The following BMPR2 variants were observed in gnomAD, a reference collection of about 807,000 sequenced individuals.
The protein encoded by BMPR2 is bone morphogenetic protein receptor type 2.
BMPR2 carries 29 observed loss-of-function variants against 100.8 expected under a neutral mutation model. That is an observed-to-expected ratio of 0.29 (90% CI 0.21 to 0.39). BMPR2 has a LOEUF of 0.39. Ranked by LOEUF, BMPR2 falls within the 10% of genes least tolerant of loss-of-function variation. The pLI, the probability that BMPR2 is intolerant of heterozygous loss-of-function variation, is 1.00. For missense variants in BMPR2, 1,011 were observed against 1,274.5 expected (o/e 0.79, Z 3.15); for synonymous variants, 382 against 442.3 (o/e 0.86, Z 1.71).
At chr2:202,417,122 C>T (rs545246883) in intron 1 of BMPR2, among the ~76,000 whole-genome samples, 7 of 152,046 alleles carry the variant, frequency 4.6e-5, no homozygotes, top group South Asian at 4.2e-4. Context: ...AGGCGTGAGC[C>T]GTGGCGCCCA....
chr2:202,491,691 A>G (rs971546606), intron 3 of BMPR2, among the ~76,000 whole-genome samples: 1 of 152,180 alleles, frequency 6.6e-6, no homozygotes, highest in Non-Finnish European at 1.5e-5. Flanking sequence ...GGCATGAGGC[A>G]CCACGCCTGG....
intron 10 of BMPR2, among the ~76,000 whole-genome samples, chr2:202,543,176 C>CAA (rs1298793856): frequency 1.8e-5 from 1 of 56,916 alleles, no homozygotes; most frequent in African/African-American, 7.1e-5. Context: ...GACTCTGTCT[C>CAA]AAAAAAAAAA....
chr2:202,446,710 G>A lies in BMPR2; in HGVS notation c.77-18099G>A, dbSNP rs571305450. ...TCTGTTGCTCAGGCTGGAGTGCAGT[G>A]GTGCCATCTCAGCTCACTGAGCCTC... On this transcript the variant is annotated intron_variant, in intron 1 of 12. Transcript: ENST00000374580. Among the ~76,000 whole-genome samples the A allele has an allele frequency of 2.7e-5, 4 of 148,636 alleles. 1 individual carries two copies. The highest frequency in any genetic ancestry group is 1.0e-4 in the African/African-American group (4 of 38,810).
chr2:202,422,531 C>T (rs1000542926), intron 1 of BMPR2, among the ~76,000 whole-genome samples: 4 of 152,002 alleles, frequency 2.6e-5, no homozygotes, highest in African/African-American at 4.8e-5. Context: ...TGGTCTCGAT[C>T]TCGTGACCTC....
intron 3 of BMPR2, among the ~76,000 whole-genome samples, chr2:202,486,565 G>A (rs556446594): frequency 6.7e-6 from 1 of 149,998 alleles, no homozygotes; most frequent in East Asian, 2.0e-4. Context: ...TTGGGAGGTG[G>A]AGTTGGCAGT....
chr2:202,499,837 C>G (rs895894006), intron 3 of BMPR2, among the ~76,000 whole-genome samples: 2 of 152,168 alleles, frequency 1.3e-5, no homozygotes, highest in Non-Finnish European at 2.9e-5. Flanking sequence ...AAGGCCGCAG[C>G]CTTAGTCATG....
intron 3 of BMPR2, chr2:202,505,391 T>TG (rs1687500724): frequency 2.6e-5 from 4 of 151,190 alleles, no homozygotes; most frequent in Admixed American, 2.6e-4. Context: ...GATTTTACTC[T>TG]GTCTTCTAGG....
chr2:202,541,933 G>A (rs1688283524), intron 9 of BMPR2, among the ~76,000 whole-genome samples: 2 of 151,988 alleles, frequency 1.3e-5, no homozygotes, highest in African/African-American at 4.8e-5. Context: ...CCAACATGGT[G>A]AAACCCTATC....
At chr2:202,452,111 A>G (rs1692002176) in intron 1 of BMPR2, among the ~76,000 whole-genome samples, 1 of 152,064 alleles carries the variant, frequency 6.6e-6, no homozygotes, top group Admixed American at 6.6e-5. Context: ...CATACTCAAC[A>G]TACAGTACAT....
chr2:202,550,704 C>T lies in BMPR2; in HGVS notation c.1414-2012C>T, dbSNP rs74958827. ...TGTCGTCCCAGCTACTCAGGAGGCT[C>T]ATGTAGGAGGATTGCTTAGGTCCAG... is the stretch of plus-strand genomic sequence containing the variant. On this transcript the variant is annotated intron_variant, in intron 10 of 12. Coordinates refer to ENST00000374580, the MANE Select transcript of BMPR2 (RefSeq NM_001204.7). Among the ~76,000 whole-genome samples, 99 of 152,080 alleles carry T rather than the reference C, an allele frequency of 6.5e-4. 1 individual carries two copies. In the East Asian group the frequency reaches 0.016, roughly 25 times the overall value.
chr2:202,557,625 C>A (rs1002722869), intron 12 of BMPR2, among the ~76,000 whole-genome samples: 1 of 152,078 alleles, frequency 6.6e-6, no homozygotes. Context: ...TGAGATTGCG[C>A]CATTGTACTC....
intron 2 of BMPR2, among the ~76,000 whole-genome samples, chr2:202,465,685 C>T (rs1029140189): frequency 3.0e-4 from 45 of 151,804 alleles, no homozygotes; most frequent in South Asian, 4.2e-4. Flanking sequence ...AGTGAAACCC[C>T]GTCTCTACTA....
chr2:202,529,285 G>C, intron 7 of BMPR2, among the ~76,000 whole-genome samples: 1 of 152,302 alleles, frequency 6.6e-6, no homozygotes, highest in African/African-American at 2.4e-5. Flanking sequence ...GCTTTCCTTT[G>C]AGATATTTGC....
chr2:202,392,943 G>A (rs1690578894), intron 1 of BMPR2, among the ~76,000 whole-genome samples: 1 of 142,838 alleles, frequency 7.0e-6, no homozygotes, highest in Non-Finnish European at 1.5e-5. Context: ...GGTGAGCCGA[G>A]ATCGTGCCAT....
intron 1 of BMPR2, among the ~76,000 whole-genome samples, chr2:202,437,625 C>T (rs1169944351): frequency 6.6e-6 from 1 of 150,454 alleles, no homozygotes; most frequent in Non-Finnish European, 1.5e-5. Flanking sequence ...TTCATTCACT[C>T]CCTCCCCAAG....
chr2:202,546,163 A>AT (rs1253829709), intron 10 of BMPR2, among the ~76,000 whole-genome samples: 1 of 152,200 alleles, frequency 6.6e-6, no homozygotes, highest in African/African-American at 2.4e-5. Flanking sequence ...TTTAAATCTA[A>AT]TGTGCTACAG....
chr2:202,390,296 C>T (rs968938705), intron 1 of BMPR2, among the ~76,000 whole-genome samples: 2 of 149,940 alleles, frequency 1.3e-5, no homozygotes, highest in Non-Finnish European at 3.0e-5. Context: ...ACTGTCATTT[C>T]TACCAGTAGT....
intron 1 of BMPR2, among the ~76,000 whole-genome samples, chr2:202,400,950 A>G (rs956914823): frequency 6.6e-6 from 1 of 152,352 alleles, no homozygotes; most frequent in African/African-American, 2.4e-5. Flanking sequence ...TGATTTAGAT[A>G]AAATGGTTTT....
chr2:202,467,915 G>A (rs1038305541), intron 3 of BMPR2, among the ~76,000 whole-genome samples: 4 of 152,042 alleles, frequency 2.6e-5, no homozygotes, highest in African/African-American at 9.7e-5. Flanking sequence ...GGGCGTAGTG[G>A]TAGGCGCCTG....
Sources: gnomAD v4.1 joint callset for allele counts (sites outside exome capture counted in the v4.1 genomes callset) on GRCh38, gnomAD v4.1.1 for gene constraint, MANE v1.5 for transcripts, NCBI Gene and HGNC (gene_info 2026-07-23, HGNC 2026-07-21) for gene names.